GTPBP1: variants seen among roughly 807,000 people sequenced by gnomAD.
GTPBP1 encodes GTP-binding protein 1.
Under a neutral mutation model 62.0 loss-of-function variants are expected in GTPBP1, and 23 were observed. The ratio of observed to expected loss-of-function variants is 0.37; its 90% CI spans 0.27 to 0.53. The LOEUF is 0.53. Ranked by LOEUF, GTPBP1 falls within the 20% of genes least tolerant of loss-of-function variation. The pLI, the probability that GTPBP1 is intolerant of heterozygous loss-of-function variation, is 0.89. For synonymous variants in GTPBP1, 344 were observed against 364.4 expected, an observed-to-expected ratio of 0.94 and a Z score of 0.64; for missense variants, 640 against 917.3, an observed-to-expected ratio of 0.70 and a Z score of 3.90.
intron 2 of GTPBP1, among the ~76,000 whole-genome samples, chr22:38,711,344 A>G (rs1315161823): frequency 6.6e-6 from 1 of 152,200 alleles, no homozygotes; most frequent in Non-Finnish European, 1.5e-5. Flanking sequence ...TAGGATCTGG[A>G]ACCTGGCAGG....
rs767917669 is a variant in GTPBP1, at chr22:38,708,988, A to T, written c.304+32A>T. The T allele has an allele frequency of 3.0e-6, 4 of 1,353,486 alleles. No individual in the cohort carries two copies. In the African/African-American group the frequency reaches 4.3e-5, roughly 15 times the overall value. The allele number at this position is 1,353,486 out of a possible 1,614,324, so 83.8% of individuals were successfully genotyped here. ...ATAGTTTTCCTTTCACTTTATTTTTAAAAATTATTGGGCCGGGTGCGGTGG... is the reference window on the plus strand; with the variant it reads ...ATAGTTTTCCTTTCACTTTATTTTTTAAAATTATTGGGCCGGGTGCGGTGG... On this transcript the variant is annotated intron_variant, in intron 2 of 11. Coordinates refer to ENST00000216044, the MANE Select transcript of GTPBP1 (RefSeq NM_004286.5).
chr22:38,736,526 A>C (rs1310253973), downstream of GTPBP1: 1 of 602,594 alleles, frequency 1.7e-6, no homozygotes, highest in African/African-American at 1.9e-5. Flanking sequence ...AGGCTTCAAA[A>C]GCTCCTATCT....
At chr22:38,714,495 A>T (rs1054940936) in intron 2 of GTPBP1, among the ~76,000 whole-genome samples, 2 of 151,496 alleles carry the variant, frequency 1.3e-5, no homozygotes, top group African/African-American at 2.4e-5. Flanking sequence ...AAAAAAAAAA[A>T]AAAAGGCCAC....
At position 38,727,212 on chromosome 22, in the gene GTPBP1, G is replaced by T; in HGVS notation, c.1402-1G>T. 1.3e-6 allele frequency: 2 copies of T among 1,567,424 alleles called. No individual in the cohort carries two copies. Among genetic ancestry groups the T allele is most frequent in the South Asian group, 1.2e-5 (1 of 85,616 alleles). On this transcript the variant is annotated splice_acceptor_variant, in intron 8 of 11. Coordinates refer to ENST00000216044, the MANE Select transcript of GTPBP1 (RefSeq NM_004286.5). LOFTEE classifies it high-confidence loss of function. This position sits in a 1 kb window ranked among gnomAD's most constrained non-coding sequence, Gnocchi z 6.5. ...GGGCTGGGGCTCCCTCTTTCTTTCA[G>T]ATCAAGCGCTCGTCCATCCGGAAGG...
chr22:38,742,695 C>T, downstream of GTPBP1: 1 of 1,173,506 alleles, frequency 8.5e-7, no homozygotes, highest in Non-Finnish European at 1.2e-6. Context: ...GCAGGGCCGG[C>T]TGGAGCTCGT....
rs947932996 is a variant in GTPBP1 at position 38,716,161 on chromosome 22, G to A, written c.485+74G>A. On this transcript the variant is annotated intron_variant, in intron 3 of 11. Transcript: ENST00000216044. The surrounding 1 kb of genome is among the most constrained non-coding windows in gnomAD (Gnocchi z 5.2). ...GGTGACTGAGCCTGTGGCACTTGGC[G>A]TGTCAGCTCCATCCTTTCCCCTCCT... is the stretch of plus-strand genomic sequence containing the variant. 41 of 1,217,448 alleles carry A rather than the reference G, an allele frequency of 3.4e-5. No individual in the cohort carries two copies. The highest frequency in any genetic ancestry group is 2.1e-4 in the Middle Eastern group (1 of 4,748). 75.4% of individuals were successfully genotyped at this position (1,217,448 alleles called of 1,614,324 possible).
intron 2 of GTPBP1, among the ~76,000 whole-genome samples, chr22:38,709,490 A>T (rs2092625932): frequency 6.6e-6 from 1 of 151,984 alleles, no homozygotes; most frequent in Non-Finnish European, 1.5e-5. Flanking sequence ...CTTCCTTTTT[A>T]CCTCCAGTAC....
chr22:38,723,603 G>A, intron 5 of GTPBP1: 1 of 553,454 alleles, frequency 1.8e-6, no homozygotes, highest in Non-Finnish European at 3.2e-6. Context: ...CCCCTATTTA[G>A]TTCTTGGTCT....
At chr22:38,733,776 G>A (rs551789597), downstream of GTPBP1, among the ~76,000 whole-genome samples, 1 of 152,344 alleles carries the variant, frequency 6.6e-6, no homozygotes, top group South Asian at 2.1e-4. Flanking sequence ...GGCAGCACAG[G>A]TTTAGTTGGG....
chr22:38,725,964 G>A, intron 6 of GTPBP1, 42 bp from the exon 7 acceptor site: 1 of 1,604,106 alleles, frequency 6.2e-7, no homozygotes, highest in Non-Finnish European at 8.5e-7. Context: ...GGTCTCCTGA[G>A]TGCCTCTCTC....
rs1404306428 is a variant in GTPBP1, at chr22:38,731,907, G to A, written c.*1203G>A. On this transcript the variant is annotated 3_prime_UTR_variant, in exon 12 of 12. Transcript: ENST00000216044. ...TTCCAGGGTTAGGACAGAGCATTTA[G>A]CCTTCTGGAAGAACCCCTGCCTGGG... 6.6e-6 allele frequency: 1 copy of A among 152,378 alleles called. No individual in the cohort carries two copies. The highest frequency in any genetic ancestry group is 1.5e-5 in the Non-Finnish European group (1 of 68,172). The allele number at this position is 152,378 out of a possible 1,614,324, so 9.4% of individuals were successfully genotyped here.
Position 38,731,013 on chromosome 22 carries a change from TGTGTGTGTG to T in GTPBP1, c.*310_*318del. 5.9e-6 allele frequency: 1 copy of T among 170,344 alleles called. No individual in the cohort carries two copies. Among genetic ancestry groups the T allele is most frequent in the Non-Finnish European group, 1.1e-5 (1 of 92,904 alleles). 10.6% of individuals were successfully genotyped at this position (170,344 alleles called of 1,614,324 possible). On this transcript the variant is annotated 3_prime_UTR_variant, in exon 12 of 12. Transcript: ENST00000216044. ...TATATGTCTCTGTCTCTCTCTATTG[TGTGTGTGTG>T]TGTGTGTGTGTGTGTGTGTGTGTGT...
chr22:38,728,590 C>G, intron 10 of GTPBP1: 1 of 184,360 alleles, frequency 5.4e-6, no homozygotes, highest in Non-Finnish European at 1.2e-5. Context: ...GACACTTGCC[C>G]ACTGCAGACC....
chr22:38,736,485 C>CAGGGAAGGAGCAGGGG, downstream of GTPBP1: 1 of 841,802 alleles, frequency 1.2e-6, no homozygotes, highest in Non-Finnish European at 1.8e-6. Flanking sequence ...GATGGCTCCC[C>CAGGGAAGGAGCAGGGG]TGCTCCTTCC....
downstream of GTPBP1, chr22:38,741,723 T>G (rs1569297892): frequency 1.5e-6 from 1 of 682,174 alleles, no homozygotes; most frequent in East Asian, 2.7e-5. Flanking sequence ...AGACTCCCGC[T>G]TCAGCTCCAC....
intron 1 of GTPBP1, chr22:38,706,922 T>C (rs935293096): frequency 2.6e-5 from 4 of 152,190 alleles, no homozygotes; most frequent in Non-Finnish European, 4.4e-5. Context: ...AAATACAAGA[T>C]GTGACTGGTG....
In GTPBP1 at chr22:38,730,562, C is replaced by A; in HGVS notation, c.1918-50C>A. 1.6e-6 allele frequency: 2 copies of A among 1,239,880 alleles called. No individual in the cohort carries two copies. The highest frequency in any genetic ancestry group is 2.4e-6 in the Non-Finnish European group (2 of 849,916). The allele number at this position is 1,239,880 out of a possible 1,614,324, so 76.8% of individuals were successfully genotyped here. ...GCTGCTCAGCACCTCTGCTCTCTGG[C>A]CCTGCTCCTGATGGGCCAGTGCTTC... On this transcript the variant is annotated intron_variant, in intron 11 of 11. Transcript: ENST00000216044. This position sits in a 1 kb window ranked among gnomAD's most constrained non-coding sequence, Gnocchi z 5.6.
At chr22:38,725,741 G>A in intron 6 of GTPBP1, 1 of 461,022 alleles carries the variant, frequency 2.2e-6, no homozygotes, top group East Asian at 3.5e-5. Context: ...TCCAAACTAG[G>A]GCAGTGGTGG....
chr22:38,706,208 C>A, intron 1 of GTPBP1, 61 bp downstream of exon 1: 1 of 1,072,072 alleles, frequency 9.3e-7, no homozygotes, highest in South Asian at 4.6e-5. Context: ...AGCAGTCTCC[C>A]GGGCGACGGC....
Sources: allele counts gnomAD v4.1 joint callset (sites outside exome capture counted in the v4.1 genomes callset), GRCh38; gene constraint gnomAD v4.1.1; non-coding constraint Gnocchi (gnomAD v3.1); transcripts MANE v1.5; gene names NCBI Gene and HGNC (gene_info 2026-07-23, HGNC 2026-07-21).